PRCD: variants seen among roughly 807,000 people sequenced by gnomAD.
PRCD encodes the protein photoreceptor disc component, also known as photoreceptor disk component PRCD.
PRCD carries 12 observed loss-of-function variants against 10.1 expected under a neutral mutation model. That is an observed-to-expected ratio of 1.18 (90% CI 0.76 to 1.92). The LOEUF (loss-of-function observed/expected upper bound fraction) is 1.92. Among genes scored for constraint, PRCD ranks in the 40% most tolerant of loss-of-function variants. PRCD has a pLI of 0.00. For synonymous variants in PRCD, 31 were observed against 26.2 expected, an observed-to-expected ratio of 1.18 and a Z score of -0.56; for missense variants, 61 against 72.2, an observed-to-expected ratio of 0.84 and a Z score of 0.56.
Position 76,540,604 on chromosome 17 carries a change from G to T in PRCD, c.143+31G>T. On this transcript the variant is annotated intron_variant, in intron 2 of 4. Transcript: ENST00000592014. The surrounding 1 kb of genome is among the most constrained non-coding windows in gnomAD (Gnocchi z 5.0). ...GCAGGAGTCTGGGCTGGGGGAGGGA[G>T]GGTGCTGCCAAGGAAGCTGTGGCTG... The T allele has an allele frequency of 6.2e-7, 1 of 1,607,434 alleles. No individual in the cohort carries two copies.
In PRCD at chr17:76,543,125, G is replaced by A; in HGVS notation, c.*152+4G>A. ...GGGGGAAGCAGCACTAGAGAAGGTA[G>A]ACGCCTCCCTCTCAGCCCGGGACCT... On this transcript the variant is annotated splice_donor_region_variant and intron_variant, in intron 4 of 4. Coordinates refer to ENST00000592014, the MANE Select transcript of PRCD (RefSeq NM_001077620.3). The A allele has an allele frequency of 2.1e-6, 1 of 470,934 alleles. No homozygotes were observed. The highest frequency in any genetic ancestry group is 1.5e-5 in the South Asian group (1 of 64,566). The allele number at this position is 470,934 out of a possible 1,614,324, so 29.2% of individuals were successfully genotyped here. A position where few individuals can be genotyped will look rare whatever the true frequency, so the allele number is the denominator to read the frequency against.
At chr17:76,537,375 C>T, upstream of PRCD, 1 of 1,572,108 alleles carries the variant, frequency 6.4e-7, no homozygotes, top group Non-Finnish European at 8.6e-7. Flanking sequence ...CTGCCCAGGG[C>T]CCGGCCGGGC....
At chr17:76,539,737 C>T (rs1212805349), upstream of PRCD, among the ~76,000 whole-genome samples, 3 of 152,222 alleles carry the variant, frequency 2.0e-5, no homozygotes, top group African/African-American at 4.8e-5. Flanking sequence ...CCTCTTTAAA[C>T]GTTGCCCTGA....
At chr17:76,542,732 T>C (rs1598213766) in intron 3 of PRCD, 99 bp downstream of exon 3, 2 of 773,002 alleles carry the variant, frequency 2.6e-6, no homozygotes, top group Non-Finnish European at 4.6e-6. Context: ...TAGCAGGCAG[T>C]GTTCAGCTCT....
At position 76,530,883 on chromosome 17, in the gene PRCD, G is replaced by C; in HGVS notation, n.45+3050G>C. ...CTGCCTCAAGTGTGCCTGCCCAGGTGATCAGCCCCAGGGCCTCAGGAGATA... is the reference window on the plus strand; with the variant it reads ...CTGCCTCAAGTGTGCCTGCCCAGGTCATCAGCCCCAGGGCCTCAGGAGATA... On this transcript the variant is annotated intron_variant and non_coding_transcript_variant, in intron 1 of 4. Transcript: ENST00000397633. This position sits in a 1 kb window ranked among gnomAD's most constrained non-coding sequence, Gnocchi z 6.1. 7.2e-7 allele frequency: 1 copy of C among 1,381,996 alleles called. No homozygotes were observed. The highest frequency in any genetic ancestry group is 9.7e-7 in the Non-Finnish European group (1 of 1,034,798). 85.6% of individuals were successfully genotyped at this position (1,381,996 alleles called of 1,614,324 possible).
intron 1 of PRCD, chr17:76,551,857 T>C (rs1431882738): frequency 6.6e-6 from 1 of 151,298 alleles, no homozygotes. Flanking sequence ...CCTTCACTTA[T>C]GAGTTCCTTT....
At chr17:76,541,719 G>C (rs2074994990) in intron 2 of PRCD, among the ~76,000 whole-genome samples, 1 of 152,144 alleles carries the variant, frequency 6.6e-6, no homozygotes. Flanking sequence ...CCACCCCTGG[G>C]CCTCCCCCGA....
At chr17:76,529,029 C>T in intron 1 of PRCD, 1 of 969,852 alleles carries the variant, frequency 1.0e-6, no homozygotes, top group Non-Finnish European at 1.2e-6. Context: ...ACACAGCGCC[C>T]CCTGCAGTCA....
At chr17:76,535,674 G>T (rs1453463229), upstream of PRCD, among the ~76,000 whole-genome samples, 1 of 152,186 alleles carries the variant, frequency 6.6e-6, no homozygotes, top group East Asian at 1.9e-4. Flanking sequence ...TGGGGAACTG[G>T]AAGAGGGGTG....
Position 76,540,259 on chromosome 17 carries a change from G to GCAT in PRCD, c.74+44_74+45insCAT. On this transcript the variant is annotated intron_variant, in intron 1 of 4. Transcript: ENST00000592014. This position sits in a 1 kb window ranked among gnomAD's most constrained non-coding sequence, Gnocchi z 5.0. Reference sequence around the variant, plus strand: ...TATGGCTGGCGGTTGGTCGGGGGGGGGGGGCATGGGGCTGGGCTGCCACCA... The same window carrying GCAT: ...TATGGCTGGCGGTTGGTCGGGGGGGGCATGGGGCATGGGGCTGGGCTGCCACCA... 2.9e-6 allele frequency: 3 copies of GCAT among 1,026,672 alleles called. No individual in the cohort carries two copies. The highest frequency in any genetic ancestry group is 3.0e-6 in the Non-Finnish European group (2 of 672,850). 63.6% of individuals were successfully genotyped at this position (1,026,672 alleles called of 1,614,324 possible). A position where few individuals can be genotyped will look rare whatever the true frequency, so the allele number is the denominator to read the frequency against.
chr17:76,534,520 C>T (rs1187458024), intron 1 of PRCD, among the ~76,000 whole-genome samples: 1 of 152,210 alleles, frequency 6.6e-6, no homozygotes, highest in Non-Finnish European at 1.5e-5. Flanking sequence ...GGTATTACCT[C>T]TATTTTACTG....
In PRCD at chr17:76,531,537, C is replaced by T. The variant is rs760511803; in HGVS notation, n.45+3704C>T. 14 of 1,614,026 alleles carry T rather than the reference C, an allele frequency of 8.7e-6. No homozygotes were observed. The highest frequency in any genetic ancestry group is 3.3e-5 in the Admixed American group (2 of 60,004). On this transcript the variant is annotated intron_variant and non_coding_transcript_variant, in intron 1 of 4. Coordinates refer to the PRCD transcript ENST00000397633. The surrounding 1 kb of genome is among the most constrained non-coding windows in gnomAD (Gnocchi z 7.4). ...AGGGCGAGCACAGAGGACACCTTGT[C>T]GGGGTCATGCAGGTTCTCCACGACA...
intron 3 of PRCD, 67 bp from the exon 4 acceptor site, chr17:76,542,962 C>T: frequency 2.0e-6 from 1 of 509,202 alleles, no homozygotes; most frequent in Non-Finnish European, 4.0e-6. Flanking sequence ...GAAACATCCA[C>T]TCTGAAATGC....
At chr17:76,548,614 G>T (rs1042306287), downstream of PRCD, among the ~76,000 whole-genome samples, 1 of 152,212 alleles carries the variant, frequency 6.6e-6, no homozygotes, top group Non-Finnish European at 1.5e-5. Flanking sequence ...AGGTGGGCTG[G>T]AGTGAGGACG....
upstream of PRCD, chr17:76,527,719 C>G (rs754822846): frequency 4.4e-6 from 2 of 454,046 alleles, no homozygotes; most frequent in Non-Finnish European, 8.8e-6. Context: ...CGGGGCTGCC[C>G]TGGTGGCCAA....
chr17:76,546,879 A>T (rs1290410719), downstream of PRCD: 2 of 152,208 alleles, frequency 1.3e-5, no homozygotes, highest in Admixed American at 1.3e-4. The surrounding 1 kb of genome is among the most constrained non-coding windows in gnomAD (Gnocchi z 4.5). Flanking sequence ...GGTTCACAGA[A>T]CTTGCTCAAG....
upstream of PRCD, chr17:76,527,745 C>A (rs144615545): frequency 6.6e-5 from 30 of 453,878 alleles, no homozygotes; most frequent in African/African-American, 5.2e-4. Flanking sequence ...GTGGAGCTAG[C>A]GGTCGAGGTT....
intron 1 of PRCD, chr17:76,527,987 G>C (rs1017413398): frequency 2.8e-6 from 1 of 361,388 alleles, no homozygotes; most frequent in African/African-American, 2.1e-5. Context: ...GGTCCTCTGC[G>C]CTGCTGTGGG....
At chr17:76,548,055 C>T (rs1429181218), downstream of PRCD, among the ~76,000 whole-genome samples, 1 of 152,016 alleles carries the variant, frequency 6.6e-6, no homozygotes, top group African/African-American at 2.4e-5. Flanking sequence ...CATTCACACA[C>T]ATACACACAG....
Sources: allele counts gnomAD v4.1 joint callset (sites outside exome capture counted in the v4.1 genomes callset), GRCh38; gene constraint gnomAD v4.1.1; non-coding constraint Gnocchi (gnomAD v3.1); transcripts MANE v1.5; gene names NCBI Gene and HGNC (gene_info 2026-07-23, HGNC 2026-07-21).